GTF2H2: variants seen among roughly 807,000 people sequenced by gnomAD.
GTF2H2 encodes the protein general transcription factor IIH subunit 2, also known as TFIIH basal transcription factor complex p44 subunit.
GTF2H2 carries 2 observed loss-of-function variants against 16.5 expected under a neutral mutation model. That is an observed-to-expected ratio of 0.12 (90% CI 0.05 to 0.38). GTF2H2 has a LOEUF of 0.38. Ranked by LOEUF, GTF2H2 falls within the 10% of genes least tolerant of loss-of-function variation. GTF2H2 has a pLI of 0.99. For missense variants in GTF2H2, 20 were observed against 137.0 expected, an observed-to-expected ratio of 0.15 and a Z score of 4.26; for synonymous variants, 8 against 44.1, an observed-to-expected ratio of 0.18 and a Z score of 3.24.
chr5:71,054,388 C>T (rs563083936), intron 8 of GTF2H2, among the ~76,000 whole-genome samples: 1 of 145,922 alleles, frequency 6.9e-6, no homozygotes, highest in South Asian at 2.1e-4. Flanking sequence ...AGAAAAATAT[C>T]TATTATATAA....
chr5:71,052,915 A>ATTT (rs1241503525), intron 8 of GTF2H2, among the ~76,000 whole-genome samples: 173 of 44,048 alleles, frequency 3.9e-3, no homozygotes, highest in Middle Eastern at 0.019. Context: ...TGCCTGGCTA[A>ATTT]TTTTTTTTTT....
intron 8 of GTF2H2, among the ~76,000 whole-genome samples, chr5:71,054,712 CGTGTGTGTGT>C (rs750011504): frequency 0.015 from 1,604 of 105,282 alleles, 156 homozygotes; most frequent in African/African-American, 0.06. Flanking sequence ...TATATATATA[CGTGTGTGTGT>C]GTGTGTGTGT....
rs1475745541 is a variant in GTF2H2, at chr5:71,052,293, G to A, written c.470+3059C>T. 1.5e-3 allele frequency among the ~76,000 whole-genome samples: 191 copies of A among 126,712 alleles called. 16 individuals are homozygous for A. Among genetic ancestry groups the A allele is most frequent in the Non-Finnish European group, 2.0e-3 (117 of 59,658 alleles). The allele number at this position is 126,712 out of a possible 152,430, so 83.1% of individuals were successfully genotyped here. On this transcript the variant is annotated intron_variant, in intron 8 of 15. Transcript: ENST00000274400. Reference sequence around the variant, plus strand: ...TGCGATTCTCCTGCCTCAGCCTCCCGAGTAGCTGGGATTATAGGCGCACAC... The same window carrying A: ...TGCGATTCTCCTGCCTCAGCCTCCCAAGTAGCTGGGATTATAGGCGCACAC...
chr5:71,039,499 G>A (rs1414077986), intron 14 of GTF2H2, among the ~76,000 whole-genome samples: 4 of 130,106 alleles, frequency 3.1e-5, no homozygotes, highest in Non-Finnish European at 6.6e-5. Context: ...AGAAAGTTCT[G>A]TCCTTCAATA....
chr5:71,061,360 C>G (rs761077337), intron 3 of GTF2H2, 52 bp from the exon 4 acceptor site: 8 of 1,409,784 alleles, frequency 5.7e-6, no homozygotes, highest in Admixed American at 2.1e-5. Context: ...TATCCCCCCC[C>G]ACAAAAAAAA....
chr5:71,054,455 G>C (rs1580990042), intron 8 of GTF2H2, among the ~76,000 whole-genome samples: 1 of 145,580 alleles, frequency 6.9e-6, no homozygotes, highest in East Asian at 2.0e-4. Flanking sequence ...AAGCTTTAGG[G>C]AGGCTGAGGT....
At chr5:71,057,387 A>G (rs1249476609) in intron 7 of GTF2H2, among the ~76,000 whole-genome samples, 1 of 143,414 alleles carries the variant, frequency 7.0e-6, no homozygotes, top group Non-Finnish European at 1.5e-5. Context: ...AATTGGGTGG[A>G]GTTTTTTTGG....
rs925889766 is a variant in GTF2H2 at position 71,058,345 on chromosome 5, G to A, written c.364+1345C>T. On this transcript the variant is annotated intron_variant, in intron 7 of 15. Transcript: ENST00000274400. ...AATAATCCTGCTTAGTTCATGTGGTGCTGACCCTACTTCTATCCTGCTCTG... is the reference window on the plus strand; with the variant it reads ...AATAATCCTGCTTAGTTCATGTGGTACTGACCCTACTTCTATCCTGCTCTG... 3.1e-5 allele frequency: 4 copies of A among 130,252 alleles called. 1 individual carries two copies. The highest frequency in any genetic ancestry group is 1.2e-4 in the African/African-American group (4 of 33,788). The allele number at this position is 130,252 out of a possible 1,614,324, so 8.1% of individuals were successfully genotyped here. A position where few individuals can be genotyped will look rare whatever the true frequency, so the allele number is the denominator to read the frequency against.
chr5:71,046,000 T>C (rs1752312442), intron 11 of GTF2H2, among the ~76,000 whole-genome samples: 1 of 145,170 alleles, frequency 6.9e-6, no homozygotes, highest in African/African-American at 2.7e-5. Context: ...ACTGAAGATA[T>C]CATAGTACAC....
chr5:71,051,093 C>T lies in GTF2H2; in HGVS notation c.471-1935G>A, dbSNP rs545179694. 2.8e-5 allele frequency among the ~76,000 whole-genome samples: 4 copies of T among 143,264 alleles called. 1 individual carries two copies. The highest frequency in any genetic ancestry group is 2.1e-4 in the South Asian group (1 of 4,676). The allele number at this position is 143,264 out of a possible 152,430, so 94.0% of individuals were successfully genotyped here. A position where few individuals can be genotyped will look rare whatever the true frequency, so the allele number is the denominator to read the frequency against. On this transcript the variant is annotated intron_variant, in intron 8 of 15. Coordinates refer to ENST00000274400, the Ensembl canonical transcript of GTF2H2. Reference sequence around the variant, plus strand: ...AACTCCTGACCTCAAGTGATCCACCCGCCTCGGCCTCCCAATGTGCTGGGA... The same window carrying T: ...AACTCCTGACCTCAAGTGATCCACCTGCCTCGGCCTCCCAATGTGCTGGGA...
intron 8 of GTF2H2, 104 bp downstream of exon 8, chr5:71,055,248 A>C: frequency 8.5e-7 from 1 of 1,183,014 alleles, no homozygotes; most frequent in Non-Finnish European, 1.2e-6. Context: ...TGTACTTAAC[A>C]ATTTTGTTAT....
chr5:71,061,224 C>G, intron 4 of GTF2H2, 48 bp downstream of exon 4: 1 of 488,244 alleles, frequency 2.0e-6, no homozygotes, highest in Non-Finnish European at 3.7e-6. Context: ...GAATGTTTCT[C>G]TAACCTAAAC....
In GTF2H2 at chr5:71,047,858, TA is replaced by T; in HGVS notation, c.757+147del. 2 of 123,190 alleles carry T rather than the reference TA, an allele frequency of 1.6e-5. 1 individual carries two copies. Among genetic ancestry groups the T allele is most frequent in the Non-Finnish European group, 2.8e-5 (2 of 70,456 alleles). 7.6% of individuals were successfully genotyped at this position (123,190 alleles called of 1,614,324 possible). A position where few individuals can be genotyped will look rare whatever the true frequency, so the allele number is the denominator to read the frequency against. ...TGGGTGACAGGACTACTGGTAGTTT[TA>T]ATTTTTTTTTTCCACTTCTCTGTAC... On this transcript the variant is annotated intron_variant, in intron 11 of 15. Transcript: ENST00000274400.
chr5:71,052,407 T>A (rs1287262937), intron 8 of GTF2H2, among the ~76,000 whole-genome samples: 1 of 95,654 alleles, frequency 1.0e-5, no homozygotes, highest in Non-Finnish European at 2.1e-5. Flanking sequence ...GACCTCATGA[T>A]CTGCCCACCT....
chr5:71,045,464 TG>T lies in GTF2H2; in HGVS notation c.800del (p.Ala267GlufsTer20). 4.1e-6 allele frequency: 3 copies of T among 739,508 alleles called. No individual in the cohort carries two copies. Among genetic ancestry groups the T allele is most frequent in the Non-Finnish European group, 7.1e-6 (3 of 423,578 alleles). 45.8% of individuals were successfully genotyped at this position (739,508 alleles called of 1,614,324 possible). A position where few individuals can be genotyped will look rare whatever the true frequency, so the allele number is the denominator to read the frequency against. On this transcript the variant is annotated frameshift_variant, in exon 12 of 16. Transcript: ENST00000274400. LOFTEE classifies it high-confidence loss of function. ...CTTACGCCATGCTGAAAGAGGGTTT[TG>T]CATCCTGGTCAGATAAAGAAGCAAT... is the stretch of plus-strand genomic sequence containing the variant.
chr5:71,051,022 T>A (rs1377588879), intron 8 of GTF2H2, among the ~76,000 whole-genome samples: 13 of 141,456 alleles, frequency 9.2e-5, no homozygotes, highest in Non-Finnish European at 7.7e-5. Flanking sequence ...AATTTTTGTA[T>A]TTTTAGTGAG....
At chr5:71,045,918 T>G (rs1561530416) in intron 11 of GTF2H2, among the ~76,000 whole-genome samples, 1 of 142,728 alleles carries the variant, frequency 7.0e-6, no homozygotes, top group Non-Finnish European at 1.5e-5. Flanking sequence ...CATGCCCAGC[T>G]ATATATTTTC....
At position 71,055,260 on chromosome 5, in the gene GTF2H2, G is replaced by C. The variant is rs1753123182; in HGVS notation, c.470+92C>G. 3.9e-6 allele frequency: 5 copies of C among 1,272,450 alleles called. 1 individual carries two copies. The highest frequency in any genetic ancestry group is 5.4e-6 in the Non-Finnish European group (5 of 932,854). The allele number at this position is 1,272,450 out of a possible 1,614,324, so 78.8% of individuals were successfully genotyped here. A position where few individuals can be genotyped will look rare whatever the true frequency, so the allele number is the denominator to read the frequency against. On this transcript the variant is annotated intron_variant, in intron 8 of 15. Coordinates refer to ENST00000274400, the Ensembl canonical transcript of GTF2H2. ...TCTTGTACTTAACAATTTTGTTATAGCTGGGTTTATGGGCCCCATATTAAC... is the reference window on the plus strand; with the variant it reads ...TCTTGTACTTAACAATTTTGTTATACCTGGGTTTATGGGCCCCATATTAAC...
intron 11 of GTF2H2, among the ~76,000 whole-genome samples, chr5:71,046,324 G>A (rs1276798720): frequency 2.0e-5 from 2 of 98,920 alleles, no homozygotes; most frequent in Non-Finnish European, 4.0e-5. Flanking sequence ...AAATATATCA[G>A]TAAATCAAAA....
Sources: allele counts gnomAD v4.1 joint callset (sites outside exome capture counted in the v4.1 genomes callset), GRCh38; gene constraint gnomAD v4.1.1; transcripts MANE v1.5; gene names NCBI Gene and HGNC (gene_info 2026-07-23, HGNC 2026-07-21).